ARHGAP6: variants seen among roughly 807,000 people sequenced by gnomAD.
ARHGAP6 encodes the protein rho GTPase-activating protein 6.
A neutral mutation model predicts 55.7 loss-of-function variants in ARHGAP6; 16 were observed. The observed-to-expected ratio is 0.29, with a 90% CI of 0.19 to 0.44. The LOEUF (loss-of-function observed/expected upper bound fraction) is 0.44, where lower values mean the gene tolerates loss of function less well. ARHGAP6 is among the 20% of genes least tolerant of loss of function. ARHGAP6 has a pLI of 1.00. For missense variants in ARHGAP6, 698 were observed against 808.9 expected, an observed-to-expected ratio of 0.86 and a Z score of 1.66; for synonymous variants, 382 against 360.9, an observed-to-expected ratio of 1.06 and a Z score of -0.66.
intron 10 of ARHGAP6, among the ~76,000 whole-genome samples, chrX:11,153,934 G>T (rs1172269403): frequency 1.8e-5 from 2 of 110,507 alleles, no homozygotes; most frequent in Non-Finnish European, 3.8e-5. Flanking sequence ...TTTAGCATTA[G>T]GTATATCTCC....
At chrX:11,642,131 A>G (rs768830605) in intron 1 of ARHGAP6, among the ~76,000 whole-genome samples, 10 of 111,696 alleles carry the variant, frequency 9.0e-5, no homozygotes, top group Non-Finnish European at 1.3e-4. Context: ...TATTAACTAT[A>G]AGATTTAATT....
intron 1 of ARHGAP6, chrX:11,298,384 A>T: frequency 8.9e-7 from 1 of 1,124,386 alleles, no homozygotes; most frequent in Non-Finnish European, 1.2e-6. Flanking sequence ...ATTAATGGGA[A>T]ATTTAGTTTG....
intron 1 of ARHGAP6, among the ~76,000 whole-genome samples, chrX:11,562,197 GA>G (rs1208200215): frequency 8.9e-6 from 1 of 112,028 alleles, no homozygotes; most frequent in African/African-American, 3.2e-5. Flanking sequence ...CACACTGGGG[GA>G]ACCACTTAAA....
rs904370083 is a variant in ARHGAP6, at chrX:11,317,207, G to A, written c.589-62500C>T. The stretch of plus-strand genomic sequence containing the variant: ...GCAGAGGAAACCTTTCTTCTTCTAT[G>A]CCAGAGTTACTCAGCACTATTGACA... On this transcript the variant is annotated intron_variant, in intron 1 of 12. Transcript: ENST00000337414. Among the ~76,000 whole-genome samples the A allele has an allele frequency of 2.7e-5, 3 of 112,480 alleles. No individual in the cohort carries two copies. The East Asian group carries it at 8.4e-4, about 31-fold the overall frequency.
At chrX:11,301,212 G>A (rs1403940349) in intron 1 of ARHGAP6, among the ~76,000 whole-genome samples, 1 of 111,632 alleles carries the variant, frequency 9.0e-6, no homozygotes, top group Non-Finnish European at 1.9e-5. Context: ...GAAATTATGT[G>A]ATATGCATAA....
At chrX:11,236,951 A>C (rs1342063846) in intron 2 of ARHGAP6, among the ~76,000 whole-genome samples, 7 of 112,509 alleles carry the variant, frequency 6.2e-5, no homozygotes, top group Non-Finnish European at 9.4e-5. Flanking sequence ...TCTCCTATCC[A>C]GGAGGTGTTT....
Position 11,139,267 on chromosome X carries a change from A to C in ARHGAP6, c.2521T>G (p.Leu841Val), listed in dbSNP as rs751014191. Residue 841 changes from leucine to valine, a missense_variant, in exon 13 of 13, where the codon TTG (leucine) becomes GTG (valine). Coordinates refer to ENST00000337414, the MANE Select transcript of ARHGAP6 (RefSeq NM_013427.3). ...ERPTARSEQY[L>V]TLSGAHDLSE... ...AGGTCGTGGGCGCCGCTCAGGGTCA[A>C]GTACTGCTCCGACCTGGCCGTGGGC... 2.6e-5 allele frequency: 31 copies of C among 1,194,429 alleles called. No individual in the cohort carries two copies. The highest frequency in any genetic ancestry group is 3.5e-5 in the Non-Finnish European group (31 of 887,924).
chrX:11,459,227 C>T (rs182503004), intron 1 of ARHGAP6, among the ~76,000 whole-genome samples: 1 of 111,959 alleles, frequency 8.9e-6, no homozygotes, highest in Non-Finnish European at 1.9e-5. Context: ...ACTTAGGCTT[C>T]TCATCTATCA....
chrX:11,558,257 T>C (rs1439494762), intron 1 of ARHGAP6, among the ~76,000 whole-genome samples: 1 of 111,716 alleles, frequency 9.0e-6, no homozygotes, highest in East Asian at 2.8e-4. Flanking sequence ...CATCGTTGAC[T>C]GGAAAGCTTA....
intron 8 of ARHGAP6, among the ~76,000 whole-genome samples, chrX:11,176,720 T>C (rs1208848999): frequency 9.0e-6 from 1 of 111,000 alleles, no homozygotes; most frequent in Non-Finnish European, 1.9e-5. Flanking sequence ...TTGATAGAGG[T>C]TGGCATCCAA....
intron 12 of ARHGAP6, among the ~76,000 whole-genome samples, 194 bp from the exon 13 acceptor site, chrX:11,139,724 T>C (rs1045302476): frequency 8.9e-6 from 1 of 112,206 alleles, no homozygotes; most frequent in African/African-American, 3.2e-5. Context: ...AGACAAATGC[T>C]TTTTGATTAT....
rs897237598 is a variant in ARHGAP6, at chrX:11,497,893, G to A, written c.588+166348C>T. Among the ~76,000 whole-genome samples, 4 of 110,090 alleles carry A rather than the reference G, an allele frequency of 3.6e-5. No individual in the cohort carries two copies. The East Asian group carries it at 1.1e-3, about 31-fold the overall frequency. ...ACCAAACAATGATGCTCACATACACGACATTCTTCCATGCGGGTATAATCC... is the reference window on the plus strand; with the variant it reads ...ACCAAACAATGATGCTCACATACACAACATTCTTCCATGCGGGTATAATCC... On this transcript the variant is annotated intron_variant, in intron 1 of 12. Coordinates refer to ENST00000337414, the MANE Select transcript of ARHGAP6 (RefSeq NM_013427.3).
chrX:11,506,118 G>A (rs897771044), intron 1 of ARHGAP6, among the ~76,000 whole-genome samples: 1 of 111,343 alleles, frequency 9.0e-6, no homozygotes, highest in African/African-American at 3.3e-5. Flanking sequence ...CCTCCTCCCT[G>A]AAGTCTCCCA....
rs1337742053 is a variant in ARHGAP6 at position 11,377,532 on chromosome X, T to G, written c.589-122825A>C. Among the ~76,000 whole-genome samples the G allele has an allele frequency of 3.6e-5, 4 of 112,355 alleles. No homozygotes were observed. The East Asian group carries it at 1.1e-3, about 31-fold the overall frequency. ...TACTAAAAGCCGTTGAGTTGTACAC[T>G]TTAAATCAGTTAATTGTATGGTATG... On this transcript the variant is annotated intron_variant, in intron 1 of 12. Transcript: ENST00000337414.
At chrX:11,217,356 C>T (rs1232120046) in intron 2 of ARHGAP6, among the ~76,000 whole-genome samples, 1 of 112,005 alleles carries the variant, frequency 8.9e-6, no homozygotes, top group African/African-American at 3.2e-5. Context: ...TCCTATTTCT[C>T]CACATCCTCT....
chrX:11,188,414 A>G (rs1411156737), intron 4 of ARHGAP6, among the ~76,000 whole-genome samples: 1 of 112,044 alleles, frequency 8.9e-6, no homozygotes, highest in Non-Finnish European at 1.9e-5. Flanking sequence ...CTCACAGTCT[A>G]GTGGGCAAGT....
chrX:11,162,600 G>A (rs1458465368), intron 9 of ARHGAP6, among the ~76,000 whole-genome samples: 1 of 111,004 alleles, frequency 9.0e-6, no homozygotes, highest in Admixed American at 9.6e-5. Context: ...CCCAGTGGAT[G>A]TGCAGTGAAT....
intron 1 of ARHGAP6, among the ~76,000 whole-genome samples, chrX:11,622,486 G>C (rs964573878): frequency 2.7e-5 from 3 of 111,809 alleles, no homozygotes; most frequent in African/African-American, 9.8e-5. Flanking sequence ...CAGAAAGACT[G>C]TTCAGAGAAA....
Position 11,664,577 on chromosome X carries a change from C to T in ARHGAP6, c.252G>A (p.Arg84=), listed in dbSNP as rs771093425. The part of the protein sequence containing the change: ...SLGPRLASSS[R]GPPPRATRLP... The stretch of plus-strand genomic sequence containing the variant: ...GCCTGGTGGCCCTGGGGGGCGGACC[C>T]CGGGAAGAGGACGCCAAGCGAGGGC... The change falls in exon 1 of 13, where the codon CGG becomes CGA. Residue 84 remains arginine, a synonymous_variant. Transcript: ENST00000337414. 3.4e-6 allele frequency: 4 copies of T among 1,184,121 alleles called. No individual in the cohort carries two copies. The highest frequency in any genetic ancestry group is 4.5e-6 in the Non-Finnish European group (4 of 881,344).
Sources: allele counts gnomAD v4.1 joint callset (sites outside exome capture counted in the v4.1 genomes callset), GRCh38; gene constraint gnomAD v4.1.1; transcripts MANE v1.5; gene names NCBI Gene and HGNC (gene_info 2026-07-23, HGNC 2026-07-21).